CEMIP2: variants seen among roughly 807,000 people sequenced by gnomAD.
CEMIP2 encodes the protein cell migration inducing hyaluronidase 2.
A neutral mutation model predicts 146.9 loss-of-function variants in CEMIP2; 79 were observed. The ratio of observed to expected loss-of-function variants is 0.54; its 90% CI spans 0.45 to 0.65. The LOEUF (loss-of-function observed/expected upper bound fraction) is 0.65, where lower values mean the gene tolerates loss of function less well. Ranked by LOEUF, CEMIP2 falls within the 30% of genes least tolerant of loss-of-function variation. The pLI is 0.00. For synonymous variants in CEMIP2, 601 were observed against 606.3 expected (o/e 0.99, Z 0.13); for missense variants, 1,596 against 1,696.2 (o/e 0.94, Z 1.04).
chr9:71,716,606 G>C, intron 13 of CEMIP2, 54 bp from the exon 14 acceptor site: 1 of 1,390,398 alleles, frequency 7.2e-7, no homozygotes, highest in Non-Finnish European at 1.0e-6. Context: ...TATGTAAAAA[G>C]AGGTAATTCT....
At chr9:71,717,610 T>C (rs1823101798) in intron 13 of CEMIP2, among the ~76,000 whole-genome samples, 1 of 150,980 alleles carries the variant, frequency 6.6e-6, no homozygotes, top group African/African-American at 2.4e-5. Context: ...AACTAAGGAG[T>C]TTTCAAGAGG....
intron 18 of CEMIP2, among the ~76,000 whole-genome samples, chr9:71,701,230 C>T (rs1012278938): frequency 3.9e-5 from 6 of 152,068 alleles, no homozygotes; most frequent in Admixed American, 1.3e-4. Flanking sequence ...CTCAGCCTCT[C>T]GAGTAGCTGG....
chr9:71,698,208 C>A lies in CEMIP2; in HGVS notation c.3378-4G>T, dbSNP rs374369529. The A allele has an allele frequency of 6.2e-7, 1 of 1,613,394 alleles. No homozygotes were observed. Among genetic ancestry groups the A allele is most frequent in the Non-Finnish European group, 8.5e-7 (1 of 1,179,482 alleles). On this transcript the variant is annotated splice_polypyrimidine_tract_variant and splice_region_variant and intron_variant, in intron 19 of 23. Coordinates refer to ENST00000377044, the MANE Select transcript of CEMIP2 (RefSeq NM_013390.3). The stretch of plus-strand genomic sequence containing the variant: ...TTTGAGATACAAAAACAGTAACCTG[C>A]ACAAAACAGAAACCAATCCATGTAG...
At position 71,715,023 on chromosome 9, in the gene CEMIP2, C is replaced by G. The variant is rs765723754; in HGVS notation, c.2502G>C (p.Glu834Asp). 1.2e-6 allele frequency: 2 copies of G among 1,614,040 alleles called. No homozygotes were observed. The highest frequency in any genetic ancestry group is 2.2e-5 in the South Asian group (2 of 91,078). ...CACCCTGAAAGCCGTAATTCCTGCT[C>G]TCCCCAACAAAGAGAGATTCAGATA... is the stretch of plus-strand genomic sequence containing the variant. ...QEVSESLFVG[E>D]SRNYGFQGGQ... Residue 834 changes from glutamate to aspartate, a missense_variant, in exon 15 of 24, where the codon GAG becomes GAC. Coordinates refer to ENST00000377044, the MANE Select transcript of CEMIP2 (RefSeq NM_013390.3).
rs900841580 is a variant in CEMIP2 at position 71,764,958 on chromosome 9, A to G, written c.-13+3399T>C. Among the ~76,000 whole-genome samples, 7 of 149,332 alleles carry G rather than the reference A, an allele frequency of 4.7e-5. No individual in the cohort carries two copies. In the South Asian group the frequency reaches 1.5e-3, roughly 32 times the overall value. On this transcript the variant is annotated intron_variant, in intron 1 of 23. Transcript: ENST00000377044. ...CCTTTTCCATATTCATCATATTGAG[A>G]GAGAGGAAAACAGAAGGGCTAGCTT...
chr9:71,727,562 C>CT (rs1383086671), intron 10 of CEMIP2, among the ~76,000 whole-genome samples: 2 of 152,110 alleles, frequency 1.3e-5, no homozygotes, highest in Non-Finnish European at 2.9e-5. Context: ...CCACTGATGC[C>CT]TTTTTTCCTG....
At chr9:71,698,382 T>C (rs1028940895) in intron 19 of CEMIP2, 178 bp from the exon 20 acceptor site, 9 of 594,562 alleles carry the variant, frequency 1.5e-5, no homozygotes, top group Non-Finnish European at 2.7e-5. Flanking sequence ...GGGTCCTAAG[T>C]CAAATGCAGT....
rs1748518555 is a variant in CEMIP2, at chr9:71,712,451, A to T, written c.2592-191T>A. On this transcript the variant is annotated intron_variant, in intron 15 of 23. Coordinates refer to ENST00000377044, the MANE Select transcript of CEMIP2 (RefSeq NM_013390.3). ...AGTGGGAAAGACAAACAGAAAAACA[A>T]AGGATCATTTCAGAAAATAAGTGCT... 4 of 582,676 alleles carry T rather than the reference A, an allele frequency of 6.9e-6. No individual in the cohort carries two copies. The East Asian group carries it at 1.1e-4, about 16-fold the overall frequency. 36.1% of individuals were successfully genotyped at this position (582,676 alleles called of 1,614,324 possible).
Position 71,745,077 on chromosome 9 carries a change from T to C in CEMIP2, c.975A>G (p.Gly325=). Residue 325 remains glycine (G), a synonymous_variant, in exon 4 of 24, where the codon GGA becomes GGG. Coordinates refer to ENST00000377044, the MANE Select transcript of CEMIP2 (RefSeq NM_013390.3). ...GDSAAKSLLQ[G]TIQMIQERLG... is the part of the protein sequence containing the mutation. ...ACCGTTCCTGGATCATCTGGATGGTTCCTTGTAAGAGACTTTTAGCGGCTG... is the reference window on the plus strand; with the variant it reads ...ACCGTTCCTGGATCATCTGGATGGTCCCTTGTAAGAGACTTTTAGCGGCTG... 6.2e-7 allele frequency: 1 copy of C among 1,614,126 alleles called. No homozygotes were observed. The highest frequency in any genetic ancestry group is 8.5e-7 in the Non-Finnish European group (1 of 1,179,992).
At chr9:71,711,064 G>A (rs1822892053) in intron 16 of CEMIP2, among the ~76,000 whole-genome samples, 1 of 152,198 alleles carries the variant, frequency 6.6e-6, no homozygotes, top group Admixed American at 6.5e-5. Context: ...AGACTTCTCT[G>A]TCTTGTGCCA....
chr9:71,750,941 C>T (rs1243145385), intron 1 of CEMIP2, among the ~76,000 whole-genome samples: 5 of 151,478 alleles, frequency 3.3e-5, no homozygotes, highest in Non-Finnish European at 5.9e-5. Flanking sequence ...GAGATGGGAT[C>T]CTGCTATATT....
chr9:71,714,847 A>G (rs1254165888), intron 15 of CEMIP2, 87 bp downstream of exon 15: 2 of 1,424,786 alleles, frequency 1.4e-6, no homozygotes, highest in Non-Finnish European at 1.9e-6. Flanking sequence ...GAACCAATCC[A>G]TCCAGGATTA....
chr9:71,741,627 TCTGG>T lies in CEMIP2; in HGVS notation c.1035-1399_1035-1396del, dbSNP rs1823918688. ...AAAACACCATTATTTCTTTTTCTTT[TCTGG>T]TTTTTTTTTTTTTTTTTTTTTTTTG... On this transcript the variant is annotated intron_variant, in intron 4 of 23. Transcript: ENST00000377044. Among the ~76,000 whole-genome samples, 8 of 143,294 alleles carry T rather than the reference TCTGG, an allele frequency of 5.6e-5. No individual in the cohort carries two copies. In the South Asian group the frequency reaches 1.4e-3, roughly 25 times the overall value. The allele number at this position is 143,294 out of a possible 152,430, so 94.0% of individuals were successfully genotyped here.
intron 1 of CEMIP2, among the ~76,000 whole-genome samples, chr9:71,764,690 G>A (rs550677170): frequency 1.2e-3 from 175 of 152,146 alleles, no homozygotes; most frequent in Non-Finnish European, 2.2e-3. Flanking sequence ...AAATATCTGA[G>A]TTTGGATTTC....
chr9:71,709,430 T>G lies in CEMIP2; in HGVS notation c.2814A>C (p.Glu938Asp), dbSNP rs149979456. ...TCTTATCACCATCCATCTCACAATC[T>G]TCAAACCAGGGACCAGGCTTTCCAA... Reference protein sequence around the residue: ...VFFGKPGPWFEDCEMDGDKNS... With the variant: ...VFFGKPGPWFDDCEMDGDKNS... The change falls in exon 17 of 24, where the codon GAA becomes GAC. Residue 938 changes from glutamate (E) to aspartate (D), a missense_variant. Glu to Asp is a conservative substitution (Grantham distance 45). Coordinates refer to ENST00000377044, the MANE Select transcript of CEMIP2 (RefSeq NM_013390.3). 125 of 1,614,152 alleles carry G rather than the reference T, an allele frequency of 7.7e-5. No homozygotes were observed. In the African/African-American group the frequency reaches 1.5e-3, roughly 20 times the overall value.
chr9:71,726,281 C>T (rs1033175218), intron 10 of CEMIP2, among the ~76,000 whole-genome samples: 3 of 152,100 alleles, frequency 2.0e-5, no homozygotes, highest in South Asian at 2.1e-4. Flanking sequence ...TTCAGTATTA[C>T]TGACCTTAAT....
At chr9:71,707,681 G>A (rs895704013) in intron 17 of CEMIP2, among the ~76,000 whole-genome samples, 6 of 152,188 alleles carry the variant, frequency 3.9e-5, no homozygotes, top group African/African-American at 1.4e-4. Flanking sequence ...AGTGAGCAGA[G>A]CTCAGTAGAG....
chr9:71,694,415 A>C lies in CEMIP2; in HGVS notation c.3696+94T>G, dbSNP rs1001328669. On this transcript the variant is annotated intron_variant, in intron 21 of 23. Transcript: ENST00000377044. The stretch of plus-strand genomic sequence containing the variant: ...TGGGATCACAGGTGTGAGCCACCGC[A>C]CCCAGCCAATTTCTGTTGTTTATAA... 7 of 994,408 alleles carry C rather than the reference A, an allele frequency of 7.0e-6. No individual in the cohort carries two copies. The East Asian group carries it at 1.8e-4, about 26-fold the overall frequency. 61.6% of individuals were successfully genotyped at this position (994,408 alleles called of 1,614,324 possible).
chr9:71,741,255 G>C (rs1307250997), intron 4 of CEMIP2, among the ~76,000 whole-genome samples: 1 of 137,100 alleles, frequency 7.3e-6, no homozygotes, highest in Non-Finnish European at 1.5e-5. Flanking sequence ...GGAGTACAAT[G>C]GCGCAATCTC....
Sources: gnomAD v4.1 joint callset for allele counts (sites outside exome capture counted in the v4.1 genomes callset) on GRCh38, gnomAD v4.1.1 for gene constraint, MANE v1.5 for transcripts, NCBI Gene and HGNC (gene_info 2026-07-23, HGNC 2026-07-21) for gene names.